The following RNF39 variants were observed in gnomAD, a reference collection of about 807,000 sequenced individuals.
The protein encoded by RNF39 is ring finger protein 39.
Under a neutral mutation model 29.2 loss-of-function variants are expected in RNF39, and 25 were observed. The ratio of observed to expected loss-of-function variants is 0.86; its 90% CI spans 0.62 to 1.20. The LOEUF is 1.20. Among genes scored for constraint, RNF39 ranks in the 50% most tolerant of loss-of-function variants. The probability of loss-of-function intolerance (pLI) is 0.00; values close to 1 mark genes in which losing one functional copy is unlikely to be tolerated. For synonymous variants in RNF39, 219 were observed against 229.0 expected (o/e 0.96, Z 0.40); for missense variants, 519 against 515.0 (o/e 1.01, Z -0.08).
In RNF39 at chr6:30,071,704, A is replaced by C. The variant is rs892266600; in HGVS notation, c.479-13T>G. Reference sequence around the variant, plus strand: ...AGGGTCAGGTCGGCTGGAGACGGGGAGGCAGGGAGAGGACCTCATGAGAGA... The same window carrying C: ...AGGGTCAGGTCGGCTGGAGACGGGGCGGCAGGGAGAGGACCTCATGAGAGA... On this transcript the variant is annotated splice_polypyrimidine_tract_variant and intron_variant, in intron 3 of 3. Coordinates refer to ENST00000244360, the MANE Select transcript of RNF39 (RefSeq NM_025236.4). The surrounding 1 kb of genome is among the most constrained non-coding windows in gnomAD (Gnocchi z 5.0). The C allele has an allele frequency of 2.9e-6, 4 of 1,398,680 alleles. No individual in the cohort carries two copies. The African/African-American group carries it at 4.5e-5, about 16-fold the overall frequency. The allele number at this position is 1,398,680 out of a possible 1,614,324, so 86.6% of individuals were successfully genotyped here. A position where few individuals can be genotyped will look rare whatever the true frequency, so the allele number is the denominator to read the frequency against.
chr6:30,072,515 G>GA lies in RNF39; in HGVS notation c.478+641dup, dbSNP rs1334616391. The stretch of plus-strand genomic sequence containing the variant: ...GGGTCCCCTTCCAGGGAGGAGTGAC[G>GA]AGAGGTGGTGGAAGCAGAGATTTTT... On this transcript the variant is annotated intron_variant, in intron 3 of 3. Coordinates refer to ENST00000244360, the MANE Select transcript of RNF39 (RefSeq NM_025236.4). This position sits in a 1 kb window ranked among gnomAD's most constrained non-coding sequence, Gnocchi z 4.5. 1.3e-5 allele frequency among the ~76,000 whole-genome samples: 2 copies of GA among 152,092 alleles called. No individual in the cohort carries two copies. The highest frequency in any genetic ancestry group is 2.9e-5 in the Non-Finnish European group (2 of 68,014).
rs757062595 is a variant in RNF39 at position 30,073,234 on chromosome 6, G to A, written c.401C>T (p.Thr134Ile). 6.2e-7 allele frequency: 1 copy of A among 1,611,316 alleles called. No individual in the cohort carries two copies. The highest frequency in any genetic ancestry group is 1.1e-5 in the South Asian group (1 of 91,018). ...ATCCTCTGAATTAGATGACTTGGAT[G>A]TTGGGACTTCAAATCTACACAGATG... The part of the protein sequence containing the change: ...RKTWRRFEVP[T>I]SKSSNSEDDL... The change falls in exon 3 of 4, where the codon ACA becomes ATA. Residue 134 changes from threonine (T) to isoleucine (I), a missense_variant. By Grantham distance (89) the Thr-to-Ile change is moderately conservative. Coordinates refer to ENST00000244360, the MANE Select transcript of RNF39 (RefSeq NM_025236.4).
Position 30,072,438 on chromosome 6 carries a change from G to A in RNF39, c.478+719C>T, listed in dbSNP as rs572889323. Among the ~76,000 whole-genome samples, 176 of 152,180 alleles carry A rather than the reference G, an allele frequency of 1.2e-3. 1 individual carries two copies. Among genetic ancestry groups the A allele is most frequent in the Non-Finnish European group, 1.3e-3 (87 of 67,998 alleles). On this transcript the variant is annotated intron_variant, in intron 3 of 3. Coordinates refer to ENST00000244360, the MANE Select transcript of RNF39 (RefSeq NM_025236.4). The surrounding 1 kb of genome is among the most constrained non-coding windows in gnomAD (Gnocchi z 4.5). ...TCTAGGCAGTTTAAAGAAGGGTAGA[G>A]GCACCCTTCTTCTTGGGAGTGAGTG...
At chr6:30,073,419 T>C in intron 2 of RNF39, 37 bp downstream of exon 2, 1 of 1,613,842 alleles carries the variant, frequency 6.2e-7, no homozygotes, top group Non-Finnish European at 8.5e-7. Context: ...CTATGGCAGC[T>C]GGTGAGAAAA....
intron 3 of RNF39, 25 bp downstream of exon 3, chr6:30,073,132 C>G (rs371775064): frequency 1.4e-6 from 2 of 1,453,270 alleles, no homozygotes; most frequent in African/African-American, 2.8e-5. Context: ...ATTCAATTCC[C>G]TTCCCTCCCT....
Position 30,074,949 on chromosome 6 carries a change from C to T in RNF39, c.363+274G>A, listed in dbSNP as rs935824360. ...TCTATCCGGTACCCCTTCTCTGCCTCCCCAGTCTCTTCTCTCCAGCCCCTC... is the reference window on the plus strand; with the variant it reads ...TCTATCCGGTACCCCTTCTCTGCCTTCCCAGTCTCTTCTCTCCAGCCCCTC... On this transcript the variant is annotated intron_variant, in intron 1 of 3. Transcript: ENST00000244360. This position sits in a 1 kb window ranked among gnomAD's most constrained non-coding sequence, Gnocchi z 4.1. Among the ~76,000 whole-genome samples, 1 of 152,104 alleles carries T rather than the reference C, an allele frequency of 6.6e-6. No individual in the cohort carries two copies. The highest frequency in any genetic ancestry group is 1.5e-5 in the Non-Finnish European group (1 of 68,024).
rs529419661 is a variant in RNF39, at chr6:30,072,610, T to A, written c.478+547A>T. Among the ~76,000 whole-genome samples, 1 of 152,166 alleles carries A rather than the reference T, an allele frequency of 6.6e-6. No individual in the cohort carries two copies. The highest frequency in any genetic ancestry group is 2.1e-4 in the South Asian group (1 of 4,808). On this transcript the variant is annotated intron_variant, in intron 3 of 3. Transcript: ENST00000244360. This position sits in a 1 kb window ranked among gnomAD's most constrained non-coding sequence, Gnocchi z 4.5. ...AAAGGAAGAGGGAAAATGGCTGGAATATGAGGAATCGAGGATAGACATTGT... is the reference window on the plus strand; with the variant it reads ...AAAGGAAGAGGGAAAATGGCTGGAAAATGAGGAATCGAGGATAGACATTGT...
chr6:30,071,195 A>T lies in RNF39; in HGVS notation c.975T>A (p.Pro325=). The change falls in exon 4 of 4, where the codon CCT becomes CCA. Residue 325 remains proline (P), a synonymous_variant. Transcript: ENST00000244360. This position sits in a 1 kb window ranked among gnomAD's most constrained non-coding sequence, Gnocchi z 5.0. ...SLDLLYAFQA[P]GPLGERIFPL... The stretch of plus-strand genomic sequence containing the variant: ...GGAAGATGCGCTCCCCCAGGGGGCC[A>T]GGCGCCTGGAAGGCGTAAAGCAGGT... 2.0e-6 allele frequency: 3 copies of T among 1,519,092 alleles called. No homozygotes were observed. The highest frequency in any genetic ancestry group is 2.6e-6 in the Non-Finnish European group (3 of 1,136,714). 94.1% of individuals were successfully genotyped at this position (1,519,092 alleles called of 1,614,324 possible).
Position 30,071,357 on chromosome 6 carries a change from G to A in RNF39, c.813C>T (p.Gly271=). The A allele has an allele frequency of 6.9e-7, 1 of 1,459,652 alleles. No homozygotes were observed. The highest frequency in any genetic ancestry group is 9.0e-7 in the Non-Finnish European group (1 of 1,114,282). 90.4% of individuals were successfully genotyped at this position (1,459,652 alleles called of 1,614,324 possible). A position where few individuals can be genotyped will look rare whatever the true frequency, so the allele number is the denominator to read the frequency against. ...CPAGAVWAVE[G]RGGRLWALTA... is the part of the protein sequence containing the mutation. ...TGAGGGCCCACAGGCGGCCGCCGCGGCCCTCCACGGCCCACACGGCCCCCG... is the reference window on the plus strand; with the variant it reads ...TGAGGGCCCACAGGCGGCCGCCGCGACCCTCCACGGCCCACACGGCCCCCG... Residue 271 remains glycine (G), a synonymous_variant, in exon 4 of 4, where the codon GGC becomes GGT. Transcript: ENST00000244360. The surrounding 1 kb of genome is among the most constrained non-coding windows in gnomAD (Gnocchi z 5.0).
At position 30,072,474 on chromosome 6, in the gene RNF39, G is replaced by A. The variant is rs1234471799; in HGVS notation, c.478+683C>T. ...TCTTGGGAGTGAGTGAGGAAAGAAG[G>A]GTCAAGGAGATGCTGGGGTCCCCTT... On this transcript the variant is annotated intron_variant, in intron 3 of 3. Transcript: ENST00000244360. The surrounding 1 kb of genome is among the most constrained non-coding windows in gnomAD (Gnocchi z 4.5). 2.6e-5 allele frequency among the ~76,000 whole-genome samples: 4 copies of A among 152,102 alleles called. No homozygotes were observed. Among genetic ancestry groups the A allele is most frequent in the African/African-American group, 9.7e-5 (4 of 41,406 alleles).
Position 30,075,604 on chromosome 6 carries a change from C to A in RNF39, c.-19G>T, listed in dbSNP as rs778353711. On this transcript the variant is annotated 5_prime_UTR_variant, in exon 1 of 4. Transcript: ENST00000244360. Reference sequence around the variant, plus strand: ...CATCCATGGAAAGCCAGGATCTGGACGCCGCCCCTTCCGCGACCACCGTGA... The same window carrying A: ...CATCCATGGAAAGCCAGGATCTGGAAGCCGCCCCTTCCGCGACCACCGTGA... 6.3e-7 allele frequency: 1 copy of A among 1,598,782 alleles called. No individual in the cohort carries two copies. Among genetic ancestry groups the A allele is most frequent in the Non-Finnish European group, 8.5e-7 (1 of 1,176,330 alleles).
rs1234222871 is a variant in RNF39, at chr6:30,072,161, AG to A, written c.479-471del. ...GAACCTCAAGTAATGGGAGGGGCAC[AG>A]GGAGGAATCCAAGGTATCCTGAGAA... On this transcript the variant is annotated intron_variant, in intron 3 of 3. Transcript: ENST00000244360. The surrounding 1 kb of genome is among the most constrained non-coding windows in gnomAD (Gnocchi z 4.5). Among the ~76,000 whole-genome samples the A allele has an allele frequency of 6.6e-6, 1 of 152,124 alleles. No individual in the cohort carries two copies. The highest frequency in any genetic ancestry group is 2.4e-5 in the African/African-American group (1 of 41,432).
Position 30,073,493 on chromosome 6 carries a change from A to C in RNF39, c.364-15T>G. ...TTCCTCATATCCTAGGATGGGCAGA[A>C]ACAAACATGGATGTGAGCTCTGGGC... is the stretch of plus-strand genomic sequence containing the variant. On this transcript the variant is annotated splice_polypyrimidine_tract_variant and intron_variant, in intron 1 of 3. Coordinates refer to ENST00000244360, the MANE Select transcript of RNF39 (RefSeq NM_025236.4). 6.2e-7 allele frequency: 1 copy of C among 1,613,542 alleles called. No individual in the cohort carries two copies.
Position 30,071,470 on chromosome 6 carries a change from C to T in RNF39, c.700G>A (p.Glu234Lys). 2 of 1,571,882 alleles carry T rather than the reference C, an allele frequency of 1.3e-6. No homozygotes were observed. The highest frequency in any genetic ancestry group is 1.2e-5 in the South Asian group (1 of 86,778). ...DAASCRDSSG[E>K]DADDEESHYA... ...TGGCTCTCCTCGTCGTCCGCATCCT[C>T]CCCAGAAGAGTCTCTGCAGGAGGCG... Residue 234 changes from glutamate to lysine, a missense_variant, in exon 4 of 4, where the codon GAG (glutamate) becomes AAG (lysine). Glu to Lys is a moderately conservative substitution (Grantham distance 56, BLOSUM62 1). Coordinates refer to ENST00000244360, the MANE Select transcript of RNF39 (RefSeq NM_025236.4). This position sits in a 1 kb window ranked among gnomAD's most constrained non-coding sequence, Gnocchi z 5.0.
chr6:30,075,524 G>T lies in RNF39; in HGVS notation c.62C>A (p.Pro21His). 1 of 1,582,076 alleles carries T rather than the reference G, an allele frequency of 6.3e-7. No individual in the cohort carries two copies. The change falls in exon 1 of 4, where the codon CCT (proline) becomes CAT (histidine). Residue 21 changes from proline (P) to histidine (H), a missense_variant. Physicochemically the swap from Pro to His is moderately conservative, Grantham distance 77. Coordinates refer to ENST00000244360, the MANE Select transcript of RNF39 (RefSeq NM_025236.4). ...GTCCTCGAAGGAGCCCCCGCACAGAGGACACGTCGCCAGCTGCTCCAGACG... is the reference window on the plus strand; with the variant it reads ...GTCCTCGAAGGAGCCCCCGCACAGATGACACGTCGCCAGCTGCTCCAGACG... Reference protein sequence around the residue: ...VERLEQLATCPLCGGSFEDPV... With the variant: ...VERLEQLATCHLCGGSFEDPV...
Position 30,073,483 on chromosome 6 carries a change from G to T in RNF39, c.364-5C>A. On this transcript the variant is annotated splice_polypyrimidine_tract_variant and splice_region_variant and intron_variant, in intron 1 of 3. Coordinates refer to ENST00000244360, the MANE Select transcript of RNF39 (RefSeq NM_025236.4). ...TCTCCATGTCTTCCTCATATCCTAG[G>T]ATGGGCAGAAACAAACATGGATGTG... is the stretch of plus-strand genomic sequence containing the variant. The T allele has an allele frequency of 6.2e-7, 1 of 1,613,950 alleles. No homozygotes were observed. Among genetic ancestry groups the T allele is most frequent in the Non-Finnish European group, 8.5e-7 (1 of 1,179,894 alleles).
In RNF39 at chr6:30,071,297, C is replaced by T. The variant is rs768371932; in HGVS notation, c.873G>A (p.Glu291=). 4 of 1,500,776 alleles carry T rather than the reference C, an allele frequency of 2.7e-6. No homozygotes were observed. In the African/African-American group the frequency reaches 4.2e-5, roughly 16 times the overall value. 93.0% of individuals were successfully genotyped at this position (1,500,776 alleles called of 1,614,324 possible). A position where few individuals can be genotyped will look rare whatever the true frequency, so the allele number is the denominator to read the frequency against. Residue 291 remains glutamate, a synonymous_variant, in exon 4 of 4, where the codon GAG becomes GAA. Coordinates refer to ENST00000244360, the MANE Select transcript of RNF39 (RefSeq NM_025236.4). This position sits in a 1 kb window ranked among gnomAD's most constrained non-coding sequence, Gnocchi z 5.0. ...CCACGCGAATGCGCCGCGGCGGGGG[C>T]TCAACACCGCCCAGCAGGGTGGGTT... The part of the protein sequence containing the change: ...APEPTLLGGV[E]PPPRRIRVDL...
At chr6:30,073,125 C>CA in intron 3 of RNF39, 32 bp downstream of exon 3, 1 of 1,411,966 alleles carries the variant, frequency 7.1e-7, no homozygotes, top group Non-Finnish European at 1.0e-6. Flanking sequence ...GACTTTCATT[C>CA]AATTCCCTTC....
chr6:30,073,081 C>T, intron 3 of RNF39, 76 bp downstream of exon 3: 1 of 1,086,564 alleles, frequency 9.2e-7, no homozygotes, highest in Non-Finnish European at 1.4e-6. Flanking sequence ...GACCTGATCA[C>T]TTTTTAGGGC....
Sources: allele counts gnomAD v4.1 joint callset (sites outside exome capture counted in the v4.1 genomes callset), GRCh38; gene constraint gnomAD v4.1.1; non-coding constraint Gnocchi (gnomAD v3.1); transcripts MANE v1.5; gene names NCBI Gene and HGNC (gene_info 2026-07-23, HGNC 2026-07-21).